Variants in PCCA observed in about 807,000 individuals in gnomAD.
The protein encoded by PCCA is propionyl-CoA carboxylase alpha chain, mitochondrial.
Under a neutral mutation model 101.3 loss-of-function variants are expected in PCCA, and 74 were observed. The observed-to-expected ratio is 0.73, with a 90% CI of 0.61 to 0.89. The LOEUF (loss-of-function observed/expected upper bound fraction) is 0.89. Among genes scored for constraint, PCCA ranks in the 40% least tolerant of loss-of-function variants. PCCA has a pLI of 0.00. For synonymous variants in PCCA, 294 were observed against 313.6 expected, an observed-to-expected ratio of 0.94 and a Z score of 0.66; for missense variants, 891 against 907.0, an observed-to-expected ratio of 0.98 and a Z score of 0.23.
chr13:100,276,197 G>T, intron 12 of PCCA, among the ~76,000 whole-genome samples: 1 of 116,280 alleles, frequency 8.6e-6, no homozygotes, highest in East Asian at 2.4e-4. Flanking sequence ...GTAACATAGT[G>T]AGAACTTGTC....
chr13:100,123,632 T>G (rs200759095), intron 4 of PCCA, among the ~76,000 whole-genome samples: 1 of 151,330 alleles, frequency 6.6e-6, no homozygotes, highest in Non-Finnish European at 1.5e-5. Context: ...AACAACATAA[T>G]GGGGGGGGAT....
At chr13:100,215,283 C>G (rs2059447166) in intron 7 of PCCA, among the ~76,000 whole-genome samples, 1 of 152,134 alleles carries the variant, frequency 6.6e-6, no homozygotes, top group Non-Finnish European at 1.5e-5. Flanking sequence ...AGATATTTAC[C>G]AAGTGCACGC....
intron 19 of PCCA, among the ~76,000 whole-genome samples, chr13:100,401,958 T>C (rs1275995308): frequency 6.6e-6 from 1 of 152,220 alleles, no homozygotes; most frequent in Non-Finnish European, 1.5e-5. Flanking sequence ...CAAAATCTTT[T>C]CTTATTGCCT....
At chr13:100,171,399 T>A (rs1042820744) in intron 6 of PCCA, among the ~76,000 whole-genome samples, 1 of 152,182 alleles carries the variant, frequency 6.6e-6, no homozygotes, top group Non-Finnish European at 1.5e-5. Context: ...GATAGGGTGA[T>A]GACAGTCTTC....
chr13:100,348,811 CCTTCCTTT>C lies in PCCA; in HGVS notation c.1643+8556_1643+8563del, dbSNP rs1336497113. ...TTCTTCCTTCCTTCCTTCCTTCCTT[CCTTCCTTT>C]CTTTCTTTTCTCTCTCTTTTTCTCT... is the stretch of plus-strand genomic sequence containing the variant. On this transcript the variant is annotated intron_variant, in intron 18 of 23. Coordinates refer to ENST00000376285, the MANE Select transcript of PCCA (RefSeq NM_000282.4). Among the ~76,000 whole-genome samples the C allele has an allele frequency of 9.1e-3, 1,119 of 122,928 alleles. 40 individuals carry two copies. The highest frequency in any genetic ancestry group is 0.036 in the African/African-American group (1,050 of 29,404). The allele number at this position is 122,928 out of a possible 152,430, so 80.6% of individuals were successfully genotyped here. A position where few individuals can be genotyped will look rare whatever the true frequency, so the allele number is the denominator to read the frequency against.
intron 18 of PCCA, among the ~76,000 whole-genome samples, chr13:100,359,952 T>A (rs1251128224): frequency 6.6e-6 from 1 of 152,210 alleles, no homozygotes; most frequent in African/African-American, 2.4e-5. Context: ...GGCACATTGA[T>A]TTTGAAATTT....
chr13:100,503,132 G>T (rs573090678), intron 21 of PCCA, among the ~76,000 whole-genome samples: 5 of 152,348 alleles, frequency 3.3e-5, no homozygotes, highest in Non-Finnish European at 7.3e-5. Context: ...CCTGTTGACA[G>T]AGGCTCAGCA....
chr13:100,092,674 CAT>C (rs1247943328), intron 1 of PCCA, among the ~76,000 whole-genome samples: 1 of 152,174 alleles, frequency 6.6e-6, no homozygotes, highest in Non-Finnish European at 1.5e-5. Context: ...CAAATTGTCT[CAT>C]TTGAATCATG....
intron 23 of PCCA, among the ~76,000 whole-genome samples, chr13:100,529,867 A>T (rs2088245163): frequency 6.6e-6 from 1 of 152,168 alleles, no homozygotes; most frequent in South Asian, 2.1e-4. Flanking sequence ...GAGGGTGCCG[A>T]GGACAGAGGA....
intron 20 of PCCA, among the ~76,000 whole-genome samples, chr13:100,440,526 CTG>C (rs1262571887): frequency 6.6e-6 from 1 of 151,576 alleles, no homozygotes; most frequent in East Asian, 1.9e-4. Flanking sequence ...ATCCTAATAA[CTG>C]TTTATAGATA....
intron 21 of PCCA, chr13:100,464,670 T>C (rs1396109356): frequency 6.6e-6 from 1 of 152,206 alleles, no homozygotes; most frequent in African/African-American, 2.4e-5. Flanking sequence ...GTTAATGTTT[T>C]GTAAGTGAAT....
At chr13:100,350,112 A>G (rs2073080651) in intron 18 of PCCA, among the ~76,000 whole-genome samples, 1 of 152,208 alleles carries the variant, frequency 6.6e-6, no homozygotes, top group Non-Finnish European at 1.5e-5. Flanking sequence ...GGGGTGAGAA[A>G]CATAGAAAAA....
chr13:100,317,408 G>A (rs1251260061), intron 16 of PCCA, among the ~76,000 whole-genome samples: 2 of 152,100 alleles, frequency 1.3e-5, no homozygotes, highest in Admixed American at 6.6e-5. Flanking sequence ...GTATACCATC[G>A]AATCTGCCTG....
intron 17 of PCCA, among the ~76,000 whole-genome samples, chr13:100,331,651 G>T (rs2069595969): frequency 6.6e-6 from 1 of 152,046 alleles, no homozygotes; most frequent in Admixed American, 6.6e-5. Flanking sequence ...ATGAAGAATG[G>T]CTCTAAGTTG....
chr13:100,500,691 C>G (rs760327034), intron 21 of PCCA, among the ~76,000 whole-genome samples: 1 of 152,146 alleles, frequency 6.6e-6, no homozygotes, highest in Non-Finnish European at 1.5e-5. Flanking sequence ...AGTTCCTTTC[C>G]TAATCTCACC....
intron 6 of PCCA, among the ~76,000 whole-genome samples, chr13:100,172,766 C>T (rs1218355530): frequency 6.6e-6 from 1 of 152,190 alleles, no homozygotes; most frequent in Non-Finnish European, 1.5e-5. Flanking sequence ...TATTCCCACC[C>T]CTCTGCATGT....
intron 8 of PCCA, chr13:100,237,054 C>T (rs1055729511): frequency 6.6e-6 from 1 of 152,186 alleles, no homozygotes; most frequent in Admixed American, 6.5e-5. Flanking sequence ...TGTTTTCTCA[C>T]TAAGATTATT....
chr13:100,206,465 G>T (rs2058861018), intron 6 of PCCA, among the ~76,000 whole-genome samples: 1 of 152,018 alleles, frequency 6.6e-6, no homozygotes, highest in Non-Finnish European at 1.5e-5. Flanking sequence ...CCACTATGTT[G>T]GTCAGGCTGG....
At chr13:100,423,525 G>T (rs1027319605) in intron 19 of PCCA, among the ~76,000 whole-genome samples, 2 of 152,178 alleles carry the variant, frequency 1.3e-5, no homozygotes, top group African/African-American at 4.8e-5. Flanking sequence ...TGGCAGATAG[G>T]TTTCAGTTTA....
Sources: gnomAD v4.1 joint callset for allele counts (sites outside exome capture counted in the v4.1 genomes callset) on GRCh38, gnomAD v4.1.1 for gene constraint, MANE v1.5 for transcripts, NCBI Gene and HGNC (gene_info 2026-07-23, HGNC 2026-07-21) for gene names.